Variants in STK32B observed in about 807,000 individuals in gnomAD.
STK32B encodes the protein serine/threonine kinase 32B.
In STK32B, 43 loss-of-function variants were observed where a neutral mutation model predicts 52.6. That is an observed-to-expected ratio of 0.82 (90% CI 0.64 to 1.05). STK32B has a LOEUF of 1.05. Ranked by LOEUF, STK32B falls within the 50% of genes least tolerant of loss-of-function variation. The pLI, the probability that STK32B is intolerant of heterozygous loss-of-function variation, is 0.00. For synonymous variants in STK32B, 238 were observed against 204.3 expected, an observed-to-expected ratio of 1.17 and a Z score of -1.41; for missense variants, 621 against 534.6, an observed-to-expected ratio of 1.16 and a Z score of -1.59.
chr4:5,222,742 A>G (rs930384774), intron 3 of STK32B, among the ~76,000 whole-genome samples: 2 of 152,236 alleles, frequency 1.3e-5, no homozygotes, highest in African/African-American at 2.4e-5. Context: ...CTATTTAAGG[A>G]TAGAATTTAT....
chr4:5,274,234 A>C (rs1577277825), intron 3 of STK32B, among the ~76,000 whole-genome samples: 1 of 152,240 alleles, frequency 6.6e-6, no homozygotes, highest in South Asian at 2.1e-4. Context: ...TTCAAGTCTT[A>C]TTATAAATAC....
chr4:5,122,552 CTCAT>C (rs147163360), intron 1 of STK32B, among the ~76,000 whole-genome samples: 8,262 of 150,218 alleles, frequency 0.055, 740 homozygotes, highest in African/African-American at 0.2. Flanking sequence ...CTTTTACTCA[CTCAT>C]TCACTCACTC....
chr4:5,382,921 G>A (rs1017590629), intron 4 of STK32B, among the ~76,000 whole-genome samples: 1 of 152,174 alleles, frequency 6.6e-6, no homozygotes, highest in African/African-American at 2.4e-5. Flanking sequence ...GTCCCTTCCA[G>A]TGTCAACAGC....
intron 4 of STK32B, among the ~76,000 whole-genome samples, chr4:5,340,965 C>T (rs1200733169): frequency 1.3e-5 from 2 of 152,082 alleles, no homozygotes; most frequent in East Asian, 3.9e-4. Context: ...GGGTGATTTG[C>T]CCCAGGACAC....
chr4:5,136,780 C>T (rs1716105097), intron 1 of STK32B, among the ~76,000 whole-genome samples: 1 of 152,182 alleles, frequency 6.6e-6, no homozygotes, highest in Non-Finnish European at 1.5e-5. Context: ...TAACTTTTCA[C>T]TTATTCAAAG....
At chr4:5,149,181 T>A (rs939966995) in intron 2 of STK32B, among the ~76,000 whole-genome samples, 1 of 151,930 alleles carries the variant, frequency 6.6e-6, no homozygotes. Context: ...GCTTACTGTT[T>A]CCATGACATA....
chr4:5,074,112 T>C (rs984309918), intron 1 of STK32B, among the ~76,000 whole-genome samples: 4 of 151,948 alleles, frequency 2.6e-5, no homozygotes, highest in African/African-American at 9.7e-5. Flanking sequence ...TTTTAGAACT[T>C]CAGTAACATG....
At chr4:5,090,089 C>T (rs1348955418) in intron 1 of STK32B, among the ~76,000 whole-genome samples, 1 of 151,874 alleles carries the variant, frequency 6.6e-6, no homozygotes, top group East Asian at 1.9e-4. Flanking sequence ...TGTTTAAGTT[C>T]CTTGTAAATT....
At position 5,439,052 on chromosome 4, in the gene STK32B, G is replaced by A. The variant is rs76795211; in HGVS notation, c.563-7621G>A. On this transcript the variant is annotated intron_variant, in intron 6 of 11. Transcript: ENST00000282908. The stretch of plus-strand genomic sequence containing the variant: ...AGTCTTTGCTATTGTGAATAATGCC[G>A]CAATAAACATATGTGTGCATGTGTC... Among the ~76,000 whole-genome samples, 7 of 149,536 alleles carry A rather than the reference G, an allele frequency of 4.7e-5. No individual in the cohort carries two copies. In the South Asian group the frequency reaches 8.9e-4, roughly 19 times the overall value.
rs1171936013 is a variant in STK32B, at chr4:5,470,921, C to G, written c.1106+2851C>G. Among the ~76,000 whole-genome samples the G allele has an allele frequency of 6.6e-6, 1 of 152,208 alleles. No individual in the cohort carries two copies. Among genetic ancestry groups the G allele is most frequent in the African/African-American group, 2.4e-5 (1 of 41,464 alleles). On this transcript the variant is annotated intron_variant, in intron 11 of 11. Coordinates refer to ENST00000282908, the MANE Select transcript of STK32B (RefSeq NM_018401.3). This position sits in a 1 kb window ranked among gnomAD's most constrained non-coding sequence, Gnocchi z 4.6. The stretch of plus-strand genomic sequence containing the variant: ...TGAGTCGAGGGCTGGTCAGGGGGAG[C>G]CAAGCATCAAGCCAGGCTTGTCGTC...
At chr4:5,281,620 T>C (rs920451565) in intron 3 of STK32B, among the ~76,000 whole-genome samples, 3 of 152,092 alleles carry the variant, frequency 2.0e-5, no homozygotes, top group East Asian at 1.9e-4. Flanking sequence ...AGAAGAAATA[T>C]AATAAGCAAA....
At chr4:5,375,855 C>T (rs1417768981) in intron 4 of STK32B, among the ~76,000 whole-genome samples, 3 of 152,084 alleles carry the variant, frequency 2.0e-5, no homozygotes, top group Non-Finnish European at 4.4e-5. Context: ...GCCTGGAGGG[C>T]AGGTTCCTCT....
the STK32B span, among the ~76,000 whole-genome samples, chr4:5,034,379 T>G: frequency 6.6e-6 from 1 of 152,246 alleles, no homozygotes. Context: ...TCTGTCACTT[T>G]CCTGCTGGCC....
chr4:5,499,612 T>TGAA lies in STK32B; in HGVS notation c.*531_*533dup, dbSNP rs2108740170. 1 of 149,236 alleles carries TGAA rather than the reference T, an allele frequency of 6.7e-6. No homozygotes were observed. The highest frequency in any genetic ancestry group is 1.5e-5 in the Non-Finnish European group (1 of 67,614). The allele number at this position is 149,236 out of a possible 1,614,324, so 9.2% of individuals were successfully genotyped here. On this transcript the variant is annotated 3_prime_UTR_variant, in exon 12 of 12. Coordinates refer to ENST00000282908, the MANE Select transcript of STK32B (RefSeq NM_018401.3). ...CGCTGCCAAATCCTGGAGCAAAACC[T>TGAA]GAAGTGTCTTCATGTGCATTCTCTG...
chr4:5,108,997 C>G (rs1458260563), intron 1 of STK32B, among the ~76,000 whole-genome samples: 4 of 152,342 alleles, frequency 2.6e-5, no homozygotes, highest in Non-Finnish European at 5.9e-5. Context: ...CACTCTGTTA[C>G]TGACCTGCCA....
intron 3 of STK32B, among the ~76,000 whole-genome samples, chr4:5,307,822 T>C (rs1730028824): frequency 1.4e-5 from 2 of 145,384 alleles, no homozygotes; most frequent in Non-Finnish European, 2.9e-5. Context: ...GGGGGTGCTC[T>C]TTTGATGTGG....
At chr4:5,110,998 A>G (rs1714373371) in intron 1 of STK32B, among the ~76,000 whole-genome samples, 1 of 152,124 alleles carries the variant, frequency 6.6e-6, no homozygotes, top group South Asian at 2.1e-4. Context: ...ATAAGCTTCC[A>G]CAAACACATA....
chr4:5,242,384 A>C (rs140095977), intron 3 of STK32B, among the ~76,000 whole-genome samples: 1 of 152,092 alleles, frequency 6.6e-6, no homozygotes, highest in Non-Finnish European at 1.5e-5. Flanking sequence ...TCTTTTGAGA[A>C]GTGTCTGTTC....
the STK32B span, among the ~76,000 whole-genome samples, chr4:5,037,141 G>A: frequency 1.3e-5 from 2 of 152,288 alleles, no homozygotes; most frequent in East Asian, 3.9e-4. Context: ...GTAGGATGCT[G>A]AGCAGCACCC....
Sources: allele counts gnomAD v4.1 joint callset (sites outside exome capture counted in the v4.1 genomes callset), GRCh38; gene constraint gnomAD v4.1.1; non-coding constraint Gnocchi (gnomAD v3.1); transcripts MANE v1.5; gene names NCBI Gene and HGNC (gene_info 2026-07-23, HGNC 2026-07-21).